TRHDE: variants seen among roughly 807,000 people sequenced by gnomAD.
TRHDE encodes the protein thyrotropin-releasing hormone-degrading ectoenzyme.
Under a neutral mutation model 125.7 loss-of-function variants are expected in TRHDE, and 72 were observed. The observed-to-expected ratio is 0.57, with a 90% CI of 0.47 to 0.70. TRHDE has a LOEUF of 0.70. TRHDE is among the 30% of genes least tolerant of loss of function. The pLI is 0.00. For synonymous variants in TRHDE, 509 were observed against 509.1 expected, an observed-to-expected ratio of 1.00 and a Z score of 0.00; for missense variants, 1,110 against 1,327.1, an observed-to-expected ratio of 0.84 and a Z score of 2.54.
At chr12:72,318,960 C>T (rs1345035860) in intron 2 of TRHDE, among the ~76,000 whole-genome samples, 3 of 152,042 alleles carry the variant, frequency 2.0e-5, no homozygotes, top group Non-Finnish European at 4.4e-5. Context: ...GAGATTCTCT[C>T]CCGAATCGAC....
At chr12:72,271,983 CG>C (rs1565678540), upstream of TRHDE, 1 of 456,712 alleles carries the variant, frequency 2.2e-6, no homozygotes, top group South Asian at 1.5e-5. Context: ...TTTTCCAGGA[CG>C]GATCTCCGTC....
At chr12:72,214,860 A>G (rs1877852505) in intron 2 of TRHDE, among the ~76,000 whole-genome samples, 3 of 152,180 alleles carry the variant, frequency 2.0e-5, no homozygotes, top group Non-Finnish European at 4.4e-5. Context: ...TTGTTTATAT[A>G]TATATTCTCC....
intron 2 of TRHDE, among the ~76,000 whole-genome samples, chr12:72,126,244 G>T (rs1338996814): frequency 1.3e-5 from 2 of 152,164 alleles, no homozygotes; most frequent in Non-Finnish European, 2.9e-5. Flanking sequence ...CATGCTCATG[G>T]ATTAAAAGAT....
At chr12:72,547,469 T>TTACTA (rs1387105180) in intron 7 of TRHDE, among the ~76,000 whole-genome samples, 1 of 151,782 alleles carries the variant, frequency 6.6e-6, no homozygotes, top group Non-Finnish European at 1.5e-5. Flanking sequence ...ATTTCTAAAG[T>TTACTA]GATTACTCAT....
chr12:72,634,590 C>T (rs924773144), intron 15 of TRHDE, among the ~76,000 whole-genome samples: 8 of 151,710 alleles, frequency 5.3e-5, no homozygotes, highest in Admixed American at 2.6e-4. Context: ...CATGCTGGTA[C>T]GCTGCAACCA....
intron 7 of TRHDE, among the ~76,000 whole-genome samples, chr12:72,561,693 T>C (rs997602234): frequency 2.0e-5 from 3 of 152,190 alleles, no homozygotes; most frequent in African/African-American, 4.8e-5. Flanking sequence ...AGAGAGACCA[T>C]TGAAATGGAG....
At chr12:72,603,626 G>A (rs1320820149) in intron 12 of TRHDE, among the ~76,000 whole-genome samples, 3 of 152,162 alleles carry the variant, frequency 2.0e-5, no homozygotes, top group Non-Finnish European at 4.4e-5. Flanking sequence ...TAGGGAGGCT[G>A]AGGCAGGAGA....
intron 2 of TRHDE, among the ~76,000 whole-genome samples, chr12:72,219,587 C>T (rs1266206151): frequency 1.3e-5 from 2 of 152,082 alleles, no homozygotes; most frequent in African/African-American, 4.8e-5. Flanking sequence ...GTCCACATGA[C>T]AGGCCTATTG....
At chr12:72,182,164 C>G (rs1877107992) in intron 2 of TRHDE, among the ~76,000 whole-genome samples, 1 of 152,180 alleles carries the variant, frequency 6.6e-6, no homozygotes, top group African/African-American at 2.4e-5. Context: ...GTCTACCCAA[C>G]TTACCTTCTT....
chr12:72,530,909 A>T (rs1868520244), intron 6 of TRHDE, among the ~76,000 whole-genome samples: 1 of 152,030 alleles, frequency 6.6e-6, no homozygotes, highest in Admixed American at 6.6e-5. Flanking sequence ...TATAAACTGC[A>T]TGAAAGCTTT....
At chr12:72,465,409 T>A (rs1565752533) in intron 3 of TRHDE, among the ~76,000 whole-genome samples, 1 of 152,238 alleles carries the variant, frequency 6.6e-6, no homozygotes. Flanking sequence ...CTGATGTGCT[T>A]TCTGACTCTA....
intron 1 of TRHDE, among the ~76,000 whole-genome samples, chr12:72,099,709 T>G (rs1875023295): frequency 6.6e-6 from 1 of 152,236 alleles, no homozygotes; most frequent in Non-Finnish European, 1.5e-5. Context: ...TATGTAGACT[T>G]AAATCTAGTG....
intron 1 of TRHDE, among the ~76,000 whole-genome samples, chr12:72,096,134 T>TACACACACACACAC (rs144560604): frequency 0.034 from 4,916 of 145,110 alleles, 104 homozygotes; most frequent in South Asian, 0.066. Flanking sequence ...CTTATGTGTA[T>TACACACACACACAC]ACACACACAC....
At chr12:72,127,838 A>G (rs1250177517) in intron 2 of TRHDE, among the ~76,000 whole-genome samples, 1 of 152,136 alleles carries the variant, frequency 6.6e-6, no homozygotes, top group Non-Finnish European at 1.5e-5. Context: ...TGAAATGTAT[A>G]TATATGTACA....
intron 12 of TRHDE, among the ~76,000 whole-genome samples, chr12:72,591,647 T>TTTTTTTTTTG (rs1871688665): frequency 6.8e-6 from 1 of 148,124 alleles, no homozygotes; most frequent in African/African-American, 2.5e-5. Flanking sequence ...TTTTTTTTTT[T>TTTTTTTTTTG]GCTATTATTT....
intron 15 of TRHDE, among the ~76,000 whole-genome samples, chr12:72,638,221 G>C (rs1485344379): frequency 2.0e-5 from 3 of 148,498 alleles, no homozygotes; most frequent in African/African-American, 7.5e-5. Context: ...AGGATAGTTA[G>C]CTCTTCTTGT....
chr12:72,257,944 G>A (rs1215194926), intron 2 of TRHDE: 2 of 152,110 alleles, frequency 1.3e-5, no homozygotes, highest in African/African-American at 4.8e-5. Context: ...TAAATTTTAA[G>A]AACAGTTTAA....
intron 18 of TRHDE, among the ~76,000 whole-genome samples, chr12:72,659,380 A>G (rs1227373611): frequency 1.3e-5 from 2 of 152,202 alleles, no homozygotes; most frequent in Non-Finnish European, 2.9e-5. Flanking sequence ...ATTAATGACT[A>G]TTAACCAGTC....
intron 6 of TRHDE, among the ~76,000 whole-genome samples, chr12:72,502,340 G>T (rs1878192804): frequency 6.6e-6 from 1 of 151,948 alleles, no homozygotes; most frequent in Non-Finnish European, 1.5e-5. Context: ...CCCAAATTTT[G>T]ATATGTTGAA....
Sources: gnomAD v4.1 joint callset for allele counts (sites outside exome capture counted in the v4.1 genomes callset) on GRCh38, gnomAD v4.1.1 for gene constraint, MANE v1.5 for transcripts, NCBI Gene and HGNC (gene_info 2026-07-23, HGNC 2026-07-21) for gene names.